Variants in SHB observed in about 807,000 individuals in gnomAD.
SHB encodes the protein SH2 domain containing adaptor protein B, also known as SH2 domain-containing adapter protein B.
SHB carries 20 observed loss-of-function variants against 52.3 expected under a neutral mutation model. The ratio of observed to expected loss-of-function variants is 0.38; its 90% confidence interval spans 0.27 to 0.56. The LOEUF (loss-of-function observed/expected upper bound fraction) is 0.56. SHB is among the 20% of genes least tolerant of loss of function. The pLI is 0.71. For missense variants in SHB, 825 were observed against 723.3 expected, an observed-to-expected ratio of 1.14 and a Z score of -1.61; for synonymous variants, 397 against 316.5, an observed-to-expected ratio of 1.25 and a Z score of -2.70.
chr9:37,948,621 G>A lies in SHB; in HGVS notation c.1346+14C>T, dbSNP rs754133540. 20 of 1,612,536 alleles carry A rather than the reference G, an allele frequency of 1.2e-5. No homozygotes were observed. In the Admixed American group the frequency reaches 1.5e-4, roughly 12 times the overall value. On this transcript the variant is annotated intron_variant, in intron 5 of 5. Transcript: ENST00000377707. ...CTGCCGAGGAGGGCTGGGGGTGCTC[G>A]GGGCGGCACTCACCTCAGGGAGAGG...
chr9:37,926,910 C>T (rs1832257052), intron 5 of SHB, among the ~76,000 whole-genome samples: 1 of 152,228 alleles, frequency 6.6e-6, no homozygotes, highest in African/African-American at 2.4e-5. Flanking sequence ...AGGCAGATCC[C>T]ACTCACACAG....
intron 5 of SHB, among the ~76,000 whole-genome samples, chr9:37,926,543 G>A (rs572209696): frequency 7.2e-5 from 11 of 152,320 alleles, no homozygotes; most frequent in Non-Finnish European, 1.6e-4. Flanking sequence ...CTGGGACTAT[G>A]CAGCCACTGA....
Position 38,068,474 on chromosome 9 carries a change from C to G in SHB, c.172G>C (p.Ala58Pro). Reference sequence around the variant, plus strand: ...GAGGCTGAGAAGCAGGAGGCGGTGGCCGGACCGCAGGACGCCGAGGCGGCG... The same window carrying G: ...GAGGCTGAGAAGCAGGAGGCGGTGGGCGGACCGCAGGACGCCGAGGCGGCG... ...SSAASASCGPATASCFSASSG... is the reference protein window; with the variant it reads ...SSAASASCGPPTASCFSASSG... Residue 58 changes from alanine (A) to proline (P), a missense_variant, in exon 1 of 6, where the codon GCC (alanine) becomes CCC (proline). Physicochemically the swap from Ala to Pro is conservative, Grantham distance 27 (BLOSUM62 -1). Coordinates refer to ENST00000377707, the MANE Select transcript of SHB (RefSeq NM_003028.3). The G allele has an allele frequency of 6.6e-7, 1 of 1,511,708 alleles. No homozygotes were observed. Among genetic ancestry groups the G allele is most frequent in the South Asian group, 1.2e-5 (1 of 81,358 alleles). The allele number at this position is 1,511,708 out of a possible 1,614,324, so 93.6% of individuals were successfully genotyped here.
At chr9:37,972,755 A>G (rs1247945188) in intron 3 of SHB, among the ~76,000 whole-genome samples, 2 of 152,174 alleles carry the variant, frequency 1.3e-5, no homozygotes, top group Non-Finnish European at 2.9e-5. Flanking sequence ...CGCATGCTAT[A>G]TTCACAGAAC....
rs531813719 is a variant in SHB at position 37,955,885 on chromosome 9, T to C, written c.1224A>G (p.Gln408=). 2 of 1,612,970 alleles carry C rather than the reference T, an allele frequency of 1.2e-6. No individual in the cohort carries two copies. Among genetic ancestry groups the C allele is most frequent in the East Asian group, 2.2e-5 (1 of 44,828 alleles). The change falls in exon 4 of 6, where the codon CAA becomes CAG. Residue 408 remains glutamine (Q), a splice_region_variant and synonymous_variant. Coordinates refer to ENST00000377707, the MANE Select transcript of SHB (RefSeq NM_003028.3). Reference sequence around the variant, plus strand: ...GGGCTTTGCTCCCAAGAACTTACATTTGCTTCTCCAGGGGGACGGCAGGAT... The same window carrying C: ...GGGCTTTGCTCCCAAGAACTTACATCTGCTTCTCCAGGGGGACGGCAGGAT... The part of the protein sequence containing the change: ...RVDPAVPLEK[Q]IWYHGAISRG...
rs368643311 is a variant in SHB at position 38,016,151 on chromosome 9, A to G, written c.718-20T>C. ...GGTCACCTGCAGGGAGGAAGATGGC[A>G]GGTGTGAGTCCACCTTTGGCTTTTT... On this transcript the variant is annotated intron_variant, in intron 1 of 5. Coordinates refer to ENST00000377707, the MANE Select transcript of SHB (RefSeq NM_003028.3). The G allele has an allele frequency of 1.6e-5, 26 of 1,613,680 alleles. No homozygotes were observed. The highest frequency in any genetic ancestry group is 3.3e-5 in the Admixed American group (2 of 59,980).
chr9:38,023,009 G>A (rs1332121997), intron 1 of SHB, among the ~76,000 whole-genome samples: 3 of 152,170 alleles, frequency 2.0e-5, no homozygotes, highest in African/African-American at 7.2e-5. Flanking sequence ...CAACTTGGAC[G>A]TAGAGGTCTG....
At chr9:38,035,228 T>G (rs1253387559) in intron 1 of SHB, among the ~76,000 whole-genome samples, 2 of 151,786 alleles carry the variant, frequency 1.3e-5, no homozygotes, top group African/African-American at 4.8e-5. Flanking sequence ...CTCAAAAAGA[T>G]TTCAACTCAA....
intron 2 of SHB, among the ~76,000 whole-genome samples, chr9:38,006,175 G>A (rs1311177293): frequency 6.6e-6 from 1 of 152,094 alleles, no homozygotes; most frequent in Non-Finnish European, 1.5e-5. Context: ...AGCACCCACT[G>A]GCTGGTGGGC....
chr9:38,066,301 G>C (rs1821959643), intron 1 of SHB, among the ~76,000 whole-genome samples: 1 of 152,186 alleles, frequency 6.6e-6, no homozygotes, highest in African/African-American at 2.4e-5. Flanking sequence ...GTGGCTGCAG[G>C]GTAACAAGGA....
At position 37,917,847 on chromosome 9, in the gene SHB, G is replaced by A. The variant is rs1832120729; in HGVS notation, c.*1974C>T. Among the ~76,000 whole-genome samples the A allele has an allele frequency of 6.6e-6, 1 of 152,226 alleles. No homozygotes were observed. The highest frequency in any genetic ancestry group is 1.9e-4 in the East Asian group (1 of 5,192). On this transcript the variant is annotated 3_prime_UTR_variant, in exon 6 of 6. Transcript: ENST00000377707. Reference sequence around the variant, plus strand: ...GTGGTCTCTATGAGGGCTGGGCCACGTGGACGTGCCAGACAAGGCCTGGGA... The same window carrying A: ...GTGGTCTCTATGAGGGCTGGGCCACATGGACGTGCCAGACAAGGCCTGGGA...
At chr9:38,053,880 G>A (rs1821781626) in intron 1 of SHB, among the ~76,000 whole-genome samples, 1 of 152,130 alleles carries the variant, frequency 6.6e-6, no homozygotes, top group African/African-American at 2.4e-5. Context: ...TCCTCACAAC[G>A]ACCCAATGTA....
chr9:37,932,800 T>G (rs67198935), intron 5 of SHB, among the ~76,000 whole-genome samples: 21,703 of 152,050 alleles, frequency 0.14, 1,719 homozygotes, highest in African/African-American at 0.22. Context: ...CTTTTTATAG[T>G]AATGAGGTCT....
In SHB at chr9:37,949,753, T is replaced by C. The variant is rs116442824; in HGVS notation, c.1227-999A>G. ...CAGACATGGATGGTGGGCAGGGAGG[T>C]AGCTGTCCATGCTCCTGCCAGACGG... On this transcript the variant is annotated intron_variant, in intron 4 of 5. Coordinates refer to ENST00000377707, the MANE Select transcript of SHB (RefSeq NM_003028.3). Among the ~76,000 whole-genome samples the C allele has an allele frequency of 3.3e-3, 502 of 152,084 alleles. 2 individuals carry two copies. Among genetic ancestry groups the C allele is most frequent in the African/African-American group, 0.012 (485 of 41,464 alleles).
Position 37,953,492 on chromosome 9 carries a change from G to A in SHB, c.1226+2391C>T, listed in dbSNP as rs537739147. 2.6e-5 allele frequency among the ~76,000 whole-genome samples: 4 copies of A among 152,176 alleles called. No individual in the cohort carries two copies. In the South Asian group the frequency reaches 8.3e-4, roughly 32 times the overall value. On this transcript the variant is annotated intron_variant, in intron 4 of 5. Transcript: ENST00000377707. ...TTCATATACTGATGGTAATGATGGA[G>A]GAAGGAAGAGGGGTGCAGGTGGGGC...
At chr9:38,035,196 T>A (rs532717327) in intron 1 of SHB, among the ~76,000 whole-genome samples, 1 of 152,130 alleles carries the variant, frequency 6.6e-6, no homozygotes, top group South Asian at 2.1e-4. Flanking sequence ...GAGAACAGAA[T>A]GAGAACCAAC....
In SHB at chr9:37,960,184, C is replaced by T. The variant is rs115226322; in HGVS notation, c.1055-4130G>A. Among the ~76,000 whole-genome samples the T allele has an allele frequency of 4.4e-3, 664 of 152,274 alleles. 10 individuals carry two copies. Among genetic ancestry groups the T allele is most frequent in the African/African-American group, 0.015 (641 of 41,556 alleles). ...TCATTTCACCTAAAATACAAATATA[C>T]AAACTCCAAGTGCAGTGATTCGGCA... On this transcript the variant is annotated intron_variant, in intron 3 of 5. Transcript: ENST00000377707.
chr9:38,055,583 G>A (rs1003860862), intron 1 of SHB, among the ~76,000 whole-genome samples: 2 of 151,888 alleles, frequency 1.3e-5, no homozygotes, highest in Admixed American at 6.6e-5. Context: ...TACCCACCTC[G>A]CCCAAATGCT....
chr9:37,955,819 G>T (rs1832623917), intron 4 of SHB, 64 bp downstream of exon 4: 1 of 1,502,492 alleles, frequency 6.7e-7, no homozygotes, highest in Admixed American at 1.8e-5. Context: ...AAGATGACAT[G>T]AAAGAGAGGG....
Sources: allele counts gnomAD v4.1 joint callset (sites outside exome capture counted in the v4.1 genomes callset), GRCh38; gene constraint gnomAD v4.1.1; transcripts MANE v1.5; gene names NCBI Gene and HGNC (gene_info 2026-07-23, HGNC 2026-07-21).